The following PCDH15 variants were observed in gnomAD, a reference collection of about 807,000 sequenced individuals.
The protein encoded by PCDH15 is protocadherin-15.
A neutral mutation model predicts 178.5 loss-of-function variants in PCDH15; 129 were observed. The ratio of observed to expected loss-of-function variants is 0.72; its 90% CI spans 0.63 to 0.84. PCDH15 has a LOEUF of 0.84. PCDH15 is among the 40% of genes least tolerant of loss of function. The probability of loss-of-function intolerance (pLI) is 0.00; values close to 1 mark genes in which losing one functional copy is unlikely to be tolerated. For synonymous variants in PCDH15, 800 were observed against 732.0 expected, an observed-to-expected ratio of 1.09 and a Z score of -1.50; for missense variants, 2,230 against 2,099.9, an observed-to-expected ratio of 1.06 and a Z score of -1.21.
intron 3 of PCDH15, among the ~76,000 whole-genome samples, chr10:54,448,862 C>A (rs2076298038): frequency 6.6e-6 from 1 of 151,722 alleles, no homozygotes. Context: ...TGAATGGATG[C>A]TTAGTCTTTC....
chr10:55,540,376 T>C (rs965529927), intron 2 of PCDH15, among the ~76,000 whole-genome samples: 1 of 152,038 alleles, frequency 6.6e-6, no homozygotes, highest in African/African-American at 2.4e-5. Flanking sequence ...AATATGGGCA[T>C]GAGGCATACT....
chr10:55,353,054 A>G (rs1414118102), intron 2 of PCDH15, among the ~76,000 whole-genome samples: 1 of 152,116 alleles, frequency 6.6e-6, no homozygotes, highest in Non-Finnish European at 1.5e-5. Flanking sequence ...TAAAAGTAGA[A>G]CTAATTGGGT....
chr10:55,435,654 G>T lies in PCDH15; in HGVS notation c.-156+191971C>A, dbSNP rs896351086. ...ATTAAGAGTGGAAAATATAAAAGAT[G>T]GGAAAAAAAGTGGAAAACCAGGGTA... On this transcript the variant is annotated intron_variant, in intron 2 of 5. Transcript: ENST00000613346. Among the ~76,000 whole-genome samples, 15 of 151,860 alleles carry T rather than the reference G, an allele frequency of 9.9e-5. 2 individuals carry two copies. In the East Asian group the frequency reaches 2.7e-3, roughly 28 times the overall value.
intron 9 of PCDH15, among the ~76,000 whole-genome samples, chr10:54,234,898 A>G (rs2054469292): frequency 6.6e-6 from 1 of 152,176 alleles, no homozygotes; most frequent in Admixed American, 6.5e-5. Flanking sequence ...AGAGAAAAAT[A>G]CAAAGTAGAT....
intron 18 of PCDH15, among the ~76,000 whole-genome samples, chr10:54,060,883 T>C (rs767779912): frequency 2.6e-5 from 4 of 152,058 alleles, no homozygotes; most frequent in Non-Finnish European, 5.9e-5. Context: ...CCGGGATCCC[T>C]GTGTGGTGAG....
intron 3 of PCDH15, among the ~76,000 whole-genome samples, chr10:54,408,893 C>A (rs575273097): frequency 1.3e-5 from 2 of 152,194 alleles, no homozygotes; most frequent in Non-Finnish European, 2.9e-5. Flanking sequence ...ATGGGAAAGG[C>A]AGCATTTCCT....
At chr10:54,094,131 T>C (rs1264071163) in intron 15 of PCDH15, among the ~76,000 whole-genome samples, 1 of 152,088 alleles carries the variant, frequency 6.6e-6, no homozygotes, top group Non-Finnish European at 1.5e-5. Flanking sequence ...AAAATGAGAA[T>C]ACTACTACTA....
intron 18 of PCDH15, among the ~76,000 whole-genome samples, chr10:54,061,431 C>T (rs770109744): frequency 1.8e-4 from 28 of 151,918 alleles, no homozygotes; most frequent in Admixed American, 9.2e-4. Context: ...ACAGCTCTTC[C>T]ATTATTGTCA....
chr10:53,834,064 G>A (rs1360468018), intron 29 of PCDH15, among the ~76,000 whole-genome samples: 1 of 152,108 alleles, frequency 6.6e-6, no homozygotes, highest in Non-Finnish European at 1.5e-5. Context: ...CTCTGTCTCT[G>A]TCAATATCTT....
chr10:54,054,884 C>CTTA (rs1421555833), intron 18 of PCDH15, among the ~76,000 whole-genome samples: 1 of 152,008 alleles, frequency 6.6e-6, no homozygotes, highest in Admixed American at 6.6e-5. Flanking sequence ...AAAGAGAACT[C>CTTA]ATAAAATTCC....
intron 2 of PCDH15, among the ~76,000 whole-genome samples, chr10:55,529,741 GTATATATATATA>G (rs56254743): frequency 0.014 from 870 of 62,760 alleles, 30 homozygotes; most frequent in Middle Eastern, 0.062. Flanking sequence ...TTGTCTGTGA[GTATATATATATA>G]TATATATATA....
At chr10:55,352,154 T>G (rs547976330) in intron 2 of PCDH15, among the ~76,000 whole-genome samples, 1 of 152,316 alleles carries the variant, frequency 6.6e-6, no homozygotes, top group South Asian at 2.1e-4. Context: ...ATTTACCATT[T>G]GATAATGGAA....
chr10:54,032,115 G>C (rs1004895385), intron 18 of PCDH15, among the ~76,000 whole-genome samples: 2 of 151,168 alleles, frequency 1.3e-5, no homozygotes, highest in African/African-American at 2.4e-5. Flanking sequence ...CTTTTTCTCT[G>C]TGGGCGAACA....
intron 2 of PCDH15, among the ~76,000 whole-genome samples, chr10:54,901,889 T>G (rs1386351189): frequency 6.6e-6 from 1 of 152,320 alleles, no homozygotes; most frequent in Admixed American, 6.5e-5. Context: ...ATGGAATGCA[T>G]TAATTTCTTC....
chr10:54,288,192 T>C (rs2059158519), intron 8 of PCDH15, among the ~76,000 whole-genome samples: 1 of 151,714 alleles, frequency 6.6e-6, no homozygotes, highest in Non-Finnish European at 1.5e-5. Context: ...CATGGTGGAG[T>C]GTCTGTAGTC....
At chr10:54,172,027 A>T (rs1046964679) in intron 13 of PCDH15, among the ~76,000 whole-genome samples, 8 of 151,698 alleles carry the variant, frequency 5.3e-5, no homozygotes, top group Non-Finnish European at 4.4e-5. Context: ...ATTTTGTTTT[A>T]TTTTTCTTAT....
At chr10:54,394,666 G>A (rs1485519597) in intron 3 of PCDH15, among the ~76,000 whole-genome samples, 2 of 152,088 alleles carry the variant, frequency 1.3e-5, no homozygotes, top group Non-Finnish European at 2.9e-5. Flanking sequence ...CAGGAGACAG[G>A]GTTTTGAGAT....
chr10:54,841,002 C>T (rs11004592), intron 3 of PCDH15, among the ~76,000 whole-genome samples: 22,862 of 151,748 alleles, frequency 0.15, 2,178 homozygotes, highest in Non-Finnish European at 0.22. Context: ...CCCCAATTTC[C>T]ATACTGGATA....
rs530753283 is a variant in PCDH15 at position 54,074,149 on chromosome 10, T to G, written c.2091+5182A>C. ...GCAGGCATCCTCAATGGCACTGATG[T>G]GCACCTGCACCATCTCTTCACTGTC... is the stretch of plus-strand genomic sequence containing the variant. On this transcript the variant is annotated intron_variant, in intron 17 of 37. Transcript: ENST00000644397. Among the ~76,000 whole-genome samples, 6 of 152,280 alleles carry G rather than the reference T, an allele frequency of 3.9e-5. No homozygotes were observed. In the East Asian group the frequency reaches 1.2e-3, roughly 29 times the overall value.
Sources: gnomAD v4.1 joint callset for allele counts (sites outside exome capture counted in the v4.1 genomes callset) on GRCh38, gnomAD v4.1.1 for gene constraint, MANE v1.5 for transcripts, NCBI Gene and HGNC (gene_info 2026-07-23, HGNC 2026-07-21) for gene names.